The following PARD3 variants were observed in gnomAD, a reference collection of about 807,000 sequenced individuals.
PARD3 encodes the protein par-3 family cell polarity regulator.
Under a neutral mutation model 155.4 loss-of-function variants are expected in PARD3, and 75 were observed. The observed-to-expected ratio is 0.48, with a 90% CI of 0.40 to 0.58. The LOEUF is 0.58. Among genes scored for constraint, PARD3 ranks in the 20% least tolerant of loss-of-function variants. The pLI, the probability that PARD3 is intolerant of heterozygous loss-of-function variation, is 0.00. For synonymous variants in PARD3, 576 were observed against 610.5 expected, an observed-to-expected ratio of 0.94 and a Z score of 0.83; for missense variants, 1,642 against 1,721.7, an observed-to-expected ratio of 0.95 and a Z score of 0.82.
At chr10:34,630,329 C>T (rs1465051024) in intron 2 of PARD3, among the ~76,000 whole-genome samples, 4 of 152,220 alleles carry the variant, frequency 2.6e-5, no homozygotes, top group Admixed American at 6.5e-5. Context: ...GAGACTCCTC[C>T]TGCAGGAATG....
Position 34,607,332 on chromosome 10 carries a change from A to C in PARD3, c.222+88986T>G, listed in dbSNP as rs188397292. 4.2e-4 allele frequency among the ~76,000 whole-genome samples: 64 copies of C among 152,344 alleles called. No individual in the cohort carries two copies. The East Asian group carries it at 0.012, about 28-fold the overall frequency. Reference sequence around the variant, plus strand: ...TGCTAAAAAATGCAGTATTTCACAGACATATCAGAAATAAGAAGATGACAA... The same window carrying C: ...TGCTAAAAAATGCAGTATTTCACAGCCATATCAGAAATAAGAAGATGACAA... On this transcript the variant is annotated intron_variant, in intron 2 of 24. Coordinates refer to ENST00000374788, the MANE Select transcript of PARD3 (RefSeq NM_001184785.2).
intron 1 of PARD3, among the ~76,000 whole-genome samples, chr10:34,807,168 G>C (rs1843513220): frequency 6.6e-6 from 1 of 152,174 alleles, no homozygotes; most frequent in South Asian, 2.1e-4. Flanking sequence ...GAGCTTACCA[G>C]ACACTAAACA....
At position 34,581,234 on chromosome 10, in the gene PARD3, C is replaced by CTTTTTTTTTTTTTTTTT. The variant is rs779658592; in HGVS notation, c.223-64092_223-64076dup. 4.6e-4 allele frequency among the ~76,000 whole-genome samples: 47 copies of CTTTTTTTTTTTTTTTTT among 101,238 alleles called. 1 individual carries two copies. The highest frequency in any genetic ancestry group is 1.2e-3 in the African/African-American group (28 of 23,872). The allele number at this position is 101,238 out of a possible 152,430, so 66.4% of individuals were successfully genotyped here. ...TTTTGGTTATTTTTCTTTTTCTTTTCTTTTTTTTTTTTTTTTTTGAGACGG... is the reference window on the plus strand; with the variant it reads ...TTTTGGTTATTTTTCTTTTTCTTTTCTTTTTTTTTTTTTTTTTTTTTTTTTTTTTTTTTTTGAGACGG... On this transcript the variant is annotated intron_variant, in intron 2 of 24. Transcript: ENST00000374788.
intron 2 of PARD3, among the ~76,000 whole-genome samples, chr10:34,631,930 T>C (rs1429111690): frequency 6.6e-6 from 1 of 151,990 alleles, no homozygotes; most frequent in Non-Finnish European, 1.5e-5. Flanking sequence ...ATGTTTTGGG[T>C]TTTTTAAGTG....
intron 1 of PARD3, among the ~76,000 whole-genome samples, chr10:34,714,965 C>T (rs750397412): frequency 1.3e-5 from 2 of 151,578 alleles, no homozygotes; most frequent in Non-Finnish European, 2.9e-5. Context: ...GTAGAGACGG[C>T]GTCTCACCAT....
chr10:34,737,524 C>T (rs960608381), intron 1 of PARD3, among the ~76,000 whole-genome samples: 4 of 152,216 alleles, frequency 2.6e-5, no homozygotes, highest in African/African-American at 9.6e-5. Context: ...GAGGCAAAAC[C>T]ACAGTGCTCT....
intron 1 of PARD3, among the ~76,000 whole-genome samples, chr10:34,801,425 C>T (rs767385357): frequency 1.3e-5 from 2 of 152,144 alleles, no homozygotes; most frequent in Admixed American, 6.6e-5. Context: ...AGGAAAACAA[C>T]CCCTTCAATA....
intron 1 of PARD3, among the ~76,000 whole-genome samples, chr10:34,721,934 T>G (rs564848521): frequency 5.3e-5 from 8 of 152,186 alleles, no homozygotes; most frequent in Non-Finnish European, 8.8e-5. Flanking sequence ...TCCTAGAGCT[T>G]TGGGAGGCCA....
chr10:34,672,840 TTAG>T (rs1474060511), intron 2 of PARD3, among the ~76,000 whole-genome samples: 4 of 152,230 alleles, frequency 2.6e-5, no homozygotes, highest in Non-Finnish European at 4.4e-5. Context: ...CCTGCTTTAC[TTAG>T]TAGTATGAAG....
intron 22 of PARD3, among the ~76,000 whole-genome samples, chr10:34,176,972 A>G (rs952115604): frequency 2.8e-5 from 4 of 143,844 alleles, no homozygotes; most frequent in African/African-American, 1.0e-4. Context: ...TGTGTGTGTC[A>G]GGGTATGTGT....
intron 2 of PARD3, among the ~76,000 whole-genome samples, chr10:34,662,251 A>T (rs987569566): frequency 6.6e-6 from 1 of 152,250 alleles, no homozygotes. Flanking sequence ...AAGACAGGTA[A>T]TAACAAAGGC....
At chr10:34,471,671 C>T (rs2078352298) in intron 3 of PARD3, among the ~76,000 whole-genome samples, 1 of 152,196 alleles carries the variant, frequency 6.6e-6, no homozygotes, top group South Asian at 2.1e-4. Flanking sequence ...TCACCTGCCT[C>T]AGCCTCCCGA....
At chr10:34,305,896 G>C (rs1372521993) in intron 20 of PARD3, among the ~76,000 whole-genome samples, 2 of 152,174 alleles carry the variant, frequency 1.3e-5, no homozygotes, top group African/African-American at 4.8e-5. Context: ...TGAGGCAGGA[G>C]AATCACCCAG....
At chr10:34,774,175 G>A (rs1196058705) in intron 1 of PARD3, among the ~76,000 whole-genome samples, 1 of 152,108 alleles carries the variant, frequency 6.6e-6, no homozygotes, top group Non-Finnish European at 1.5e-5. Context: ...AAACATACCT[G>A]ACTTCAATTC....
intron 1 of PARD3, among the ~76,000 whole-genome samples, chr10:34,805,564 T>TATATATATAC (rs1843274425): frequency 6.8e-6 from 1 of 147,596 alleles, no homozygotes; most frequent in Non-Finnish European, 1.5e-5. Flanking sequence ...TATATATATA[T>TATATATATAC]ATACACCGTA....
intron 3 of PARD3, among the ~76,000 whole-genome samples, chr10:34,515,372 A>G (rs964911547): frequency 6.6e-6 from 1 of 152,248 alleles, no homozygotes; most frequent in African/African-American, 2.4e-5. Context: ...AAAATATTCA[A>G]CTAAAACAAC....
chr10:34,807,733 TAC>T (rs1843583261), intron 1 of PARD3, among the ~76,000 whole-genome samples: 1 of 151,948 alleles, frequency 6.6e-6, no homozygotes, highest in South Asian at 2.1e-4. Context: ...CAGAATAGAG[TAC>T]AGAGACTATA....
intron 1 of PARD3, among the ~76,000 whole-genome samples, chr10:34,772,138 G>A (rs1475000568): frequency 2.6e-5 from 4 of 152,158 alleles, no homozygotes; most frequent in African/African-American, 9.7e-5. Flanking sequence ...GAAAACCCAA[G>A]CTCACTGGGC....
At chr10:34,569,717 C>G (rs771145412) in intron 2 of PARD3, among the ~76,000 whole-genome samples, 2 of 151,908 alleles carry the variant, frequency 1.3e-5, no homozygotes, top group Non-Finnish European at 2.9e-5. Context: ...GTGCCCGGCA[C>G]CTACTAGTGA....
Sources: gnomAD v4.1 joint callset for allele counts (sites outside exome capture counted in the v4.1 genomes callset) on GRCh38, gnomAD v4.1.1 for gene constraint, MANE v1.5 for transcripts, NCBI Gene and HGNC (gene_info 2026-07-23, HGNC 2026-07-21) for gene names.